Variants in ADGRB3 observed in about 807,000 individuals in gnomAD.
ADGRB3 encodes adhesion G protein-coupled receptor B3.
ADGRB3 carries 37 observed loss-of-function variants against 193.4 expected under a neutral mutation model. The ratio of observed to expected loss-of-function variants is 0.19; its 90% CI spans 0.15 to 0.25. The LOEUF is 0.25. ADGRB3 is among the 10% of genes least tolerant of loss of function. The probability of loss-of-function intolerance (pLI) is 1.00; values close to 1 mark genes in which losing one functional copy is unlikely to be tolerated. For missense variants in ADGRB3, 1,637 were observed against 1,852.9 expected, an observed-to-expected ratio of 0.88 and a Z score of 2.14; for synonymous variants, 690 against 644.2, an observed-to-expected ratio of 1.07 and a Z score of -1.08.
At chr6:69,110,930 A>G (rs764283116) in intron 17 of ADGRB3, among the ~76,000 whole-genome samples, 1 of 152,240 alleles carries the variant, frequency 6.6e-6, no homozygotes, top group Non-Finnish European at 1.5e-5. Flanking sequence ...AATAGAGCCC[A>G]TCTAGGAAAA....
intron 3 of ADGRB3, among the ~76,000 whole-genome samples, chr6:68,768,007 G>T (rs1766543752): frequency 6.6e-6 from 1 of 152,088 alleles, no homozygotes; most frequent in South Asian, 2.1e-4. Context: ...TCTTCAATAA[G>T]AACTACAAAC....
intron 3 of ADGRB3, among the ~76,000 whole-genome samples, chr6:68,798,452 T>C (rs1333451394): frequency 6.6e-6 from 1 of 151,702 alleles, no homozygotes; most frequent in African/African-American, 2.4e-5. Flanking sequence ...TGTTTGGTTT[T>C]CTGTTCTTGT....
intron 11 of ADGRB3, among the ~76,000 whole-genome samples, chr6:69,000,455 T>TATC (rs1464266736): frequency 6.6e-6 from 1 of 152,232 alleles, no homozygotes; most frequent in African/African-American, 2.4e-5. Context: ...GACAGCACTT[T>TATC]ATCTCATGCC....
intron 17 of ADGRB3, among the ~76,000 whole-genome samples, chr6:69,152,197 C>T (rs1774699624): frequency 6.6e-6 from 1 of 152,166 alleles, no homozygotes; most frequent in African/African-American, 2.4e-5. Flanking sequence ...TTATTTCTTT[C>T]AAGCTCTAAA....
chr6:69,370,239 G>A (rs1769679503), intron 29 of ADGRB3, among the ~76,000 whole-genome samples: 1 of 152,144 alleles, frequency 6.6e-6, no homozygotes, highest in Non-Finnish European at 1.5e-5. Flanking sequence ...TGGGTAGCAT[G>A]TGCAAATGTG....
intron 3 of ADGRB3, among the ~76,000 whole-genome samples, chr6:68,927,538 A>G (rs1182794464): frequency 2.0e-5 from 3 of 152,164 alleles, no homozygotes; most frequent in Non-Finnish European, 4.4e-5. Flanking sequence ...ATTGCAAGGT[A>G]TGGAGAGAAC....
At chr6:69,049,469 T>C in intron 15 of ADGRB3, 123 bp downstream of exon 15, 5 of 650,396 alleles carry the variant, frequency 7.7e-6, no homozygotes, top group South Asian at 7.2e-5. Context: ...TTAAATGAAA[T>C]AGAAAATACA....
chr6:69,317,711 T>C (rs1461255827), intron 20 of ADGRB3, among the ~76,000 whole-genome samples: 6 of 151,496 alleles, frequency 4.0e-5, no homozygotes, highest in Non-Finnish European at 5.9e-5. Context: ...AAACCTTCTT[T>C]CCTCAGAATC....
chr6:68,645,182 T>C (rs995461193), intron 3 of ADGRB3, among the ~76,000 whole-genome samples: 4 of 151,840 alleles, frequency 2.6e-5, no homozygotes, highest in Non-Finnish European at 5.9e-5. Context: ...TTTTTCTAAA[T>C]TGTATATATT....
At chr6:68,768,186 T>C (rs952303792) in intron 3 of ADGRB3, among the ~76,000 whole-genome samples, 5 of 151,842 alleles carry the variant, frequency 3.3e-5, no homozygotes, top group Admixed American at 2.0e-4. Context: ...ATTAGAAAAG[T>C]CTACTTTAAA....
intron 3 of ADGRB3, among the ~76,000 whole-genome samples, chr6:68,779,301 G>A (rs931318454): frequency 1.3e-5 from 2 of 150,542 alleles, no homozygotes; most frequent in African/African-American, 4.9e-5. Context: ...AAACAAAGTG[G>A]CCTTAGAAAG....
chr6:69,360,324 G>GA (rs1446969057), intron 28 of ADGRB3, among the ~76,000 whole-genome samples: 13 of 151,860 alleles, frequency 8.6e-5, no homozygotes, highest in African/African-American at 2.9e-4. Context: ...GGACTTCAGT[G>GA]AAAAAATCCT....
chr6:68,810,697 A>C (rs1317247469), intron 3 of ADGRB3, among the ~76,000 whole-genome samples: 1 of 152,232 alleles, frequency 6.6e-6, no homozygotes, highest in African/African-American at 2.4e-5. Flanking sequence ...CAATTAGGTC[A>C]CAATGAGGTT....
chr6:68,711,564 A>G (rs561918663), intron 3 of ADGRB3, among the ~76,000 whole-genome samples: 1 of 152,228 alleles, frequency 6.6e-6, no homozygotes, highest in East Asian at 1.9e-4. Context: ...TCCTCTGCCA[A>G]CATCCGTGTT....
At chr6:69,018,537 T>TAA in intron 13 of ADGRB3, 38 bp downstream of exon 13, 1 of 1,407,132 alleles carries the variant, frequency 7.1e-7, no homozygotes, top group South Asian at 1.2e-5. Flanking sequence ...CTTTCTGAAA[T>TAA]AAAAAAAAAT....
At chr6:69,304,179 TAAAG>T (rs1768013274) in intron 20 of ADGRB3, among the ~76,000 whole-genome samples, 1 of 151,862 alleles carries the variant, frequency 6.6e-6, no homozygotes, top group South Asian at 2.1e-4. Flanking sequence ...AACTGACTAG[TAAAG>T]AAACTCAGAC....
intron 20 of ADGRB3, among the ~76,000 whole-genome samples, chr6:69,240,009 T>A (rs555665631): frequency 7.4e-4 from 112 of 152,210 alleles, no homozygotes; most frequent in African/African-American, 1.9e-3. Flanking sequence ...TTCATTTTTT[T>A]AATTTTCAAA....
intron 8 of ADGRB3, among the ~76,000 whole-genome samples, chr6:68,965,467 T>G (rs1768354376): frequency 6.6e-6 from 1 of 152,132 alleles, no homozygotes; most frequent in African/African-American, 2.4e-5. Context: ...TGTGTGTGTA[T>G]ATCAGCTCTA....
intron 8 of ADGRB3, among the ~76,000 whole-genome samples, chr6:68,972,646 G>C (rs1768620218): frequency 6.8e-6 from 1 of 148,002 alleles, no homozygotes; most frequent in Non-Finnish European, 1.5e-5. Context: ...GAGAGCAAAT[G>C]TGTCCATGCA....
Sources: allele counts gnomAD v4.1 joint callset (sites outside exome capture counted in the v4.1 genomes callset), GRCh38; gene constraint gnomAD v4.1.1; transcripts MANE v1.5; gene names NCBI Gene and HGNC (gene_info 2026-07-23, HGNC 2026-07-21).